CELF2: variants seen among roughly 807,000 people sequenced by gnomAD.
The protein encoded by CELF2 is CUGBP Elav-like family member 2.
CELF2 carries 8 observed loss-of-function variants against 62.6 expected under a neutral mutation model. The observed-to-expected ratio is 0.13, with a 90% CI of 0.07 to 0.23. The LOEUF (loss-of-function observed/expected upper bound fraction) is 0.23, where lower values mean the gene tolerates loss of function less well. CELF2 is among the 10% of genes least tolerant of loss of function. CELF2 has a pLI of 1.00. For synonymous variants in CELF2, 258 were observed against 250.0 expected, an observed-to-expected ratio of 1.03 and a Z score of -0.30; for missense variants, 333 against 671.0, an observed-to-expected ratio of 0.50 and a Z score of 5.56.
rs1197561351 is a variant in CELF2, at chr10:11,302,701, C to T, written c.977-11438C>T. The stretch of plus-strand genomic sequence containing the variant: ...GGCAGCTGCTGTGTATAGGTTTCCC[C>T]GGGAGAGAAAGTAAAAGCTGTTTCC... On this transcript the variant is annotated intron_variant, in intron 9 of 12. Coordinates refer to ENST00000633077, the MANE Select transcript of CELF2 (RefSeq NM_001326342.2). This position sits in a 1 kb window ranked among gnomAD's most constrained non-coding sequence, Gnocchi z 5.0. 1.3e-5 allele frequency among the ~76,000 whole-genome samples: 2 copies of T among 152,112 alleles called. No homozygotes were observed. The highest frequency in any genetic ancestry group is 2.9e-5 in the Non-Finnish European group (2 of 68,016).
chr10:10,762,290 T>C, the CELF2 span, among the ~76,000 whole-genome samples: 2 of 151,810 alleles, frequency 1.3e-5, no homozygotes, highest in African/African-American at 4.8e-5. Flanking sequence ...CTCTGGGAAA[T>C]GTAAGGAGAG....
rs1802475 is a variant in CELF2 at position 11,333,407 on chromosome 10, A to G, written c.*4354A>G. The G allele has an allele frequency of 4.5e-4, 68 of 152,776 alleles. No individual in the cohort carries two copies. Among genetic ancestry groups the G allele is most frequent in the African/African-American group, 1.4e-3 (60 of 41,586 alleles). The allele number at this position is 152,776 out of a possible 1,614,324, so 9.5% of individuals were successfully genotyped here. ...TAGAGAATAGTCATTTTTAATCTAA[A>G]TTAGAGAATTGTGATACAATGGCAG... is the stretch of plus-strand genomic sequence containing the variant. On this transcript the variant is annotated 3_prime_UTR_variant, in exon 13 of 13. Coordinates refer to ENST00000633077, the MANE Select transcript of CELF2 (RefSeq NM_001326342.2).
chr10:11,063,603 T>C (rs1407217000), intron 1 of CELF2, among the ~76,000 whole-genome samples: 1 of 152,258 alleles, frequency 6.6e-6, no homozygotes, highest in Non-Finnish European at 1.5e-5. Flanking sequence ...TTACAGATTT[T>C]AAATGTGAAA....
chr10:10,588,096 C>T, the CELF2 span, among the ~76,000 whole-genome samples: 3 of 151,770 alleles, frequency 2.0e-5, no homozygotes, highest in East Asian at 3.9e-4. Context: ...GTTAAAGAAG[C>T]ATAAATGTTT....
the CELF2 span, among the ~76,000 whole-genome samples, chr10:10,549,694 A>G: frequency 6.6e-6 from 1 of 152,216 alleles, no homozygotes; most frequent in Non-Finnish European, 1.5e-5. Flanking sequence ...TTGACTCTTA[A>G]GATGGCACCA....
At chr10:11,093,096 T>G (rs926744683) in intron 1 of CELF2, among the ~76,000 whole-genome samples, 3 of 152,240 alleles carry the variant, frequency 2.0e-5, no homozygotes, top group Non-Finnish European at 4.4e-5. Flanking sequence ...AGCATGCTGA[T>G]AGATGCAAAG....
At chr10:11,274,081 A>G (rs2085032918) in intron 7 of CELF2, among the ~76,000 whole-genome samples, 1 of 151,878 alleles carries the variant, frequency 6.6e-6, no homozygotes, top group African/African-American at 2.4e-5. Context: ...CCTCCTGAGC[A>G]CACAATGTGA....
chr10:10,828,156 G>A (rs1464307669), intron 1 of CELF2, among the ~76,000 whole-genome samples: 1 of 152,006 alleles, frequency 6.6e-6, no homozygotes, highest in African/African-American at 2.4e-5. Context: ...TCTACTTCTG[G>A]GTATGTACCC....
the CELF2 span, among the ~76,000 whole-genome samples, chr10:10,494,636 A>C: frequency 2.0e-4 from 30 of 152,222 alleles, no homozygotes; most frequent in African/African-American, 7.2e-4. Flanking sequence ...CACCCTCAGC[A>C]TAATCTTCTT....
At chr10:10,603,961 C>A in the CELF2 span, among the ~76,000 whole-genome samples, 2 of 152,176 alleles carry the variant, frequency 1.3e-5, no homozygotes, top group Non-Finnish European at 2.9e-5. Flanking sequence ...GGAATCCCAG[C>A]ACTTTGGGAG....
At chr10:10,908,773 A>G (rs1214091549) in intron 1 of CELF2, among the ~76,000 whole-genome samples, 3 of 152,038 alleles carry the variant, frequency 2.0e-5, no homozygotes, top group South Asian at 2.1e-4. Context: ...CTTTAACACA[A>G]TTGCTGGTAC....
intron 2 of CELF2, among the ~76,000 whole-genome samples, chr10:11,185,505 C>T (rs1007266866): frequency 6.6e-6 from 1 of 152,222 alleles, no homozygotes; most frequent in Admixed American, 6.5e-5. Flanking sequence ...ACCTCCGCCT[C>T]CTGGATTCAA....
intron 1 of CELF2, among the ~76,000 whole-genome samples, chr10:10,875,830 T>G (rs2061051701): frequency 6.6e-6 from 1 of 152,244 alleles, no homozygotes; most frequent in Non-Finnish European, 1.5e-5. Flanking sequence ...TCTCTACCAA[T>G]TTGCTGTTTG....
At chr10:10,787,274 C>CT in the CELF2 span, among the ~76,000 whole-genome samples, 3 of 151,906 alleles carry the variant, frequency 2.0e-5, no homozygotes, top group African/African-American at 7.3e-5. Flanking sequence ...TATATCAAGC[C>CT]TTTTTTTGCA....
intron 1 of CELF2, among the ~76,000 whole-genome samples, chr10:11,056,192 A>G (rs1460152685): frequency 6.6e-6 from 1 of 152,232 alleles, no homozygotes; most frequent in African/African-American, 2.4e-5. Flanking sequence ...AAAGCTCTTT[A>G]AAATGTATTC....
the CELF2 span, among the ~76,000 whole-genome samples, chr10:10,492,928 C>T: frequency 6.6e-6 from 1 of 152,272 alleles, no homozygotes; most frequent in African/African-American, 2.4e-5. Flanking sequence ...CTCATTCTCT[C>T]TCTTGCCTGC....
At chr10:11,127,357 TG>T (rs2058881624) in intron 1 of CELF2, among the ~76,000 whole-genome samples, 1 of 152,204 alleles carries the variant, frequency 6.6e-6, no homozygotes, top group African/African-American at 2.4e-5. Flanking sequence ...TAAACATACG[TG>T]TGCATGTGTC....
chr10:11,108,099 CTCCCTCTCCCCACTCCT>C (rs2054103189), intron 1 of CELF2, among the ~76,000 whole-genome samples: 1 of 104,820 alleles, frequency 9.5e-6, no homozygotes, highest in African/African-American at 4.0e-5. Context: ...TCCCCACTCC[CTCCCTCTCCCCACTCCT>C]TGCCTTCTGT....
chr10:10,662,885 A>T, the CELF2 span, among the ~76,000 whole-genome samples: 1 of 152,174 alleles, frequency 6.6e-6, no homozygotes, highest in Non-Finnish European at 1.5e-5. Context: ...ACTCAGTGTC[A>T]AGATGTCTTT....
Sources: allele counts gnomAD v4.1 joint callset (sites outside exome capture counted in the v4.1 genomes callset), GRCh38; gene constraint gnomAD v4.1.1; non-coding constraint Gnocchi (gnomAD v3.1); transcripts MANE v1.5; gene names NCBI Gene and HGNC (gene_info 2026-07-23, HGNC 2026-07-21).